The following KIAA1217 variants were observed in gnomAD, a reference collection of about 807,000 sequenced individuals.
The protein encoded by KIAA1217 is KIAA1217, also known as sickle tail protein homolog.
Under a neutral mutation model 163.9 loss-of-function variants are expected in KIAA1217, and 88 were observed. That is an observed-to-expected ratio of 0.54 (90% CI 0.45 to 0.64). The LOEUF is 0.64. Among genes scored for constraint, KIAA1217 ranks in the 30% least tolerant of loss-of-function variants. The pLI is 0.00. For missense variants in KIAA1217, 2,372 were observed against 2,475.0 expected, an observed-to-expected ratio of 0.96 and a Z score of 0.88; for synonymous variants, 903 against 923.1, an observed-to-expected ratio of 0.98 and a Z score of 0.39.
chr10:23,759,334 T>G (rs1006931078), intron 1 of KIAA1217, among the ~76,000 whole-genome samples: 1 of 152,214 alleles, frequency 6.6e-6, no homozygotes, highest in Non-Finnish European at 1.5e-5. Context: ...TTTTTACATA[T>G]AAGAACATGC....
intron 1 of KIAA1217, among the ~76,000 whole-genome samples, chr10:23,971,899 C>A (rs1288191231): frequency 2.6e-5 from 4 of 152,174 alleles, no homozygotes. Context: ...TTCCACAACC[C>A]ATTTTCTTAA....
intron 2 of KIAA1217, among the ~76,000 whole-genome samples, chr10:24,377,480 C>A (rs1341866593): frequency 6.6e-6 from 1 of 152,102 alleles, no homozygotes; most frequent in East Asian, 1.9e-4. Context: ...AAAGTTTTCA[C>A]CGGAGGCAAA....
chr10:23,743,611 G>A (rs1048702729), intron 1 of KIAA1217, among the ~76,000 whole-genome samples: 6 of 152,144 alleles, frequency 3.9e-5, no homozygotes, highest in African/African-American at 4.8e-5. Flanking sequence ...GAGCTCACAC[G>A]CTGCTATGTT....
chr10:23,824,782 G>T (rs972617033), intron 1 of KIAA1217, among the ~76,000 whole-genome samples: 6 of 150,734 alleles, frequency 4.0e-5, no homozygotes, highest in Non-Finnish European at 7.4e-5. Flanking sequence ...AAGGTCCTGT[G>T]GTGTGTAGGG....
chr10:24,042,833 T>G (rs1226376082), intron 2 of KIAA1217, among the ~76,000 whole-genome samples: 3 of 152,182 alleles, frequency 2.0e-5, no homozygotes, highest in Non-Finnish European at 4.4e-5. Context: ...CCTTTACCTA[T>G]ATGAATAGAA....
intron 2 of KIAA1217, among the ~76,000 whole-genome samples, chr10:24,277,052 C>A (rs1219796234): frequency 6.6e-6 from 1 of 152,188 alleles, no homozygotes; most frequent in Non-Finnish European, 1.5e-5. Flanking sequence ...AGCTGCCATG[C>A]CTGGCCTTAA....
At chr10:23,997,525 A>G (rs984365631) in intron 1 of KIAA1217, among the ~76,000 whole-genome samples, 2 of 152,164 alleles carry the variant, frequency 1.3e-5, no homozygotes, top group South Asian at 4.1e-4. Context: ...TTTTATTACA[A>G]AAATAATTTG....
chr10:23,898,429 TTTTCCATTTCA>T (rs1841803375), intron 1 of KIAA1217, among the ~76,000 whole-genome samples: 1 of 151,926 alleles, frequency 6.6e-6, no homozygotes, highest in Non-Finnish European at 1.5e-5. Context: ...TCATGTACCA[TTTTCCATTTCA>T]CAAAATCACC....
chr10:24,437,845 T>TG (rs1459420446), intron 4 of KIAA1217, among the ~76,000 whole-genome samples: 3 of 147,080 alleles, frequency 2.0e-5, no homozygotes, highest in Non-Finnish European at 3.0e-5. Flanking sequence ...TTGGTACTGT[T>TG]TTTTTTTTTT....
rs540757564 is a variant in KIAA1217 at position 24,283,905 on chromosome 10, C to T, written c.354+63996C>T. 2.3e-5 allele frequency among the ~76,000 whole-genome samples: 3 copies of T among 130,204 alleles called. No individual in the cohort carries two copies. The South Asian group carries it at 7.0e-4, about 30-fold the overall frequency. 85.4% of individuals were successfully genotyped at this position (130,204 alleles called of 152,430 possible). On this transcript the variant is annotated intron_variant, in intron 2 of 20. Coordinates refer to ENST00000376454, the MANE Select transcript of KIAA1217 (RefSeq NM_019590.5). The stretch of plus-strand genomic sequence containing the variant: ...ATTGAGCATCTCTTCTTTTCTTTTC[C>T]TTTATTTTTTTTTTATGTTTTTGAG...
At chr10:24,075,269 G>A (rs984731813) in intron 2 of KIAA1217, among the ~76,000 whole-genome samples, 7 of 151,906 alleles carry the variant, frequency 4.6e-5, no homozygotes, top group African/African-American at 9.7e-5. Flanking sequence ...CCTGAAAGAC[G>A]TATCATTCCA....
chr10:23,755,146 C>T (rs1833858587), intron 1 of KIAA1217, among the ~76,000 whole-genome samples: 1 of 152,144 alleles, frequency 6.6e-6, no homozygotes, highest in African/African-American at 2.4e-5. Flanking sequence ...CCAGCTGCCC[C>T]CAGCTGTGGC....
intron 1 of KIAA1217, among the ~76,000 whole-genome samples, chr10:23,933,874 A>G (rs1413439278): frequency 6.6e-6 from 1 of 152,190 alleles, no homozygotes; most frequent in Non-Finnish European, 1.5e-5. Flanking sequence ...CGATTATTAA[A>G]GAGTCAGGAA....
chr10:24,276,615 T>G (rs2077318623), intron 2 of KIAA1217, among the ~76,000 whole-genome samples: 1 of 151,514 alleles, frequency 6.6e-6, no homozygotes. Context: ...CAGCTTTTTT[T>G]TTTTTTTTTT....
chr10:24,410,827 A>T (rs967842554), intron 3 of KIAA1217, among the ~76,000 whole-genome samples: 5 of 152,220 alleles, frequency 3.3e-5, no homozygotes, highest in African/African-American at 1.2e-4. Context: ...TAAAAGCTAC[A>T]TTTCTGTTCT....
intron 2 of KIAA1217, chr10:24,275,823 T>A (rs535764349): frequency 2.1e-6 from 1 of 467,012 alleles, no homozygotes; most frequent in South Asian, 1.7e-5. Context: ...TGGTTAATGA[T>A]AAAATTTTCC....
chr10:24,507,318 C>A lies in KIAA1217; in HGVS notation c.2001+5773C>A, dbSNP rs558385789. Among the ~76,000 whole-genome samples the A allele has an allele frequency of 2.0e-5, 3 of 152,210 alleles. No individual in the cohort carries two copies. The South Asian group carries it at 6.2e-4, about 32-fold the overall frequency. On this transcript the variant is annotated intron_variant, in intron 9 of 20. Coordinates refer to ENST00000376454, the MANE Select transcript of KIAA1217 (RefSeq NM_019590.5). ...ATGTGATGATGCTGACAAATGTGAC[C>A]TATAACATTAAGAAAAATTTGTCAA...
intron 2 of KIAA1217, among the ~76,000 whole-genome samples, chr10:24,375,113 C>T (rs2052296040): frequency 6.6e-6 from 1 of 152,162 alleles, no homozygotes; most frequent in African/African-American, 2.4e-5. Context: ...AAATATACAC[C>T]TGGCTGTTGG....
At chr10:24,099,937 C>A (rs563733834) in intron 2 of KIAA1217, among the ~76,000 whole-genome samples, 1 of 152,096 alleles carries the variant, frequency 6.6e-6, no homozygotes, top group Non-Finnish European at 1.5e-5. Flanking sequence ...CTCATTTCAC[C>A]TGCCTTGAAA....
Sources: allele counts gnomAD v4.1 joint callset (sites outside exome capture counted in the v4.1 genomes callset), GRCh38; gene constraint gnomAD v4.1.1; transcripts MANE v1.5; gene names NCBI Gene and HGNC (gene_info 2026-07-23, HGNC 2026-07-21).